LSAMP: variants seen among roughly 807,000 people sequenced by gnomAD.
The protein encoded by LSAMP is limbic system associated membrane protein, also known as limbic system-associated membrane protein.
In LSAMP, 7 loss-of-function variants were observed where a neutral mutation model predicts 38.6. The observed-to-expected ratio is 0.18, with a 90% CI of 0.10 to 0.34. LSAMP has a LOEUF of 0.34. Among genes scored for constraint, LSAMP ranks in the 10% least tolerant of loss-of-function variants. The pLI is 1.00. For synonymous variants in LSAMP, 154 were observed against 166.8 expected, an observed-to-expected ratio of 0.92 and a Z score of 0.59; for missense variants, 313 against 420.0, an observed-to-expected ratio of 0.75 and a Z score of 2.23.
In LSAMP at chr3:116,073,589, T is replaced by C. The variant is rs141139820; in HGVS notation, c.388+12735A>G. Among the ~76,000 whole-genome samples the C allele has an allele frequency of 1.0e-3, 156 of 152,326 alleles. 1 individual carries two copies. The highest frequency in any genetic ancestry group is 3.5e-3 in the African/African-American group (144 of 41,570). ...TTGTTTGTGTCCTCTCTGATTTCCT[T>C]GAGCAGTGTTTTGTAGTTCTCCTTG... On this transcript the variant is annotated intron_variant, in intron 2 of 6. Coordinates refer to ENST00000490035, the MANE Select transcript of LSAMP (RefSeq NM_002338.5).
chr3:116,081,337 C>A (rs1707867394), intron 2 of LSAMP, among the ~76,000 whole-genome samples: 1 of 151,982 alleles, frequency 6.6e-6, no homozygotes, highest in Non-Finnish European at 1.5e-5. Context: ...GCCTGTAGTC[C>A]CAGCTACTTG....
At chr3:116,081,124 A>G (rs1381376068) in intron 2 of LSAMP, among the ~76,000 whole-genome samples, 4 of 152,174 alleles carry the variant, frequency 2.6e-5, no homozygotes. Flanking sequence ...ACTTGCTTCT[A>G]AAAATTTAAA....
chr3:116,160,273 C>G (rs555078991), intron 1 of LSAMP, among the ~76,000 whole-genome samples: 2 of 152,168 alleles, frequency 1.3e-5, no homozygotes, highest in East Asian at 3.9e-4. Flanking sequence ...ATGGTGCACA[C>G]TTGTAATCCC....
Position 116,075,788 on chromosome 3 carries a change from ACCT to A in LSAMP, c.388+10533_388+10535del, listed in dbSNP as rs1247494248. On this transcript the variant is annotated intron_variant, in intron 2 of 6. Transcript: ENST00000490035. ...ACTCCTGACCTCAGGTGATCCGCTC[ACCT>A]CAGCCTCCCAAAGTGTTGGGATTAC... 5.3e-5 allele frequency among the ~76,000 whole-genome samples: 8 copies of A among 151,184 alleles called. No homozygotes were observed. The East Asian group carries it at 1.6e-3, about 30-fold the overall frequency.
chr3:116,400,725 G>T (rs1303976536), intron 1 of LSAMP, among the ~76,000 whole-genome samples: 1 of 151,976 alleles, frequency 6.6e-6, no homozygotes, highest in Non-Finnish European at 1.5e-5. Flanking sequence ...TGATCCACCC[G>T]CCTCGGCCTC....
intron 1 of LSAMP, among the ~76,000 whole-genome samples, chr3:116,355,787 A>T (rs1232190530): frequency 6.6e-6 from 1 of 152,246 alleles, no homozygotes; most frequent in Non-Finnish European, 1.5e-5. Context: ...ACATTTCCCA[A>T]AGAAAACATA....
chr3:115,981,536 T>C (rs1160845722), intron 3 of LSAMP, among the ~76,000 whole-genome samples: 3 of 152,184 alleles, frequency 2.0e-5, no homozygotes, highest in African/African-American at 7.2e-5. Context: ...TCATATTACA[T>C]ACCTGAATGC....
At chr3:116,194,834 C>T (rs2107585643) in intron 1 of LSAMP, among the ~76,000 whole-genome samples, 1 of 152,260 alleles carries the variant, frequency 6.6e-6, no homozygotes, top group Non-Finnish European at 1.5e-5. Context: ...AATCATAGGT[C>T]TTGACATTAA....
intron 1 of LSAMP, among the ~76,000 whole-genome samples, chr3:116,113,408 A>T (rs1166811220): frequency 5.0e-4 from 33 of 66,088 alleles, no homozygotes; most frequent in African/African-American, 1.7e-3. Context: ...CCCTATATAT[A>T]TATATATATA....
At chr3:116,385,148 C>T (rs746893993) in intron 1 of LSAMP, among the ~76,000 whole-genome samples, 25 of 150,536 alleles carry the variant, frequency 1.7e-4, no homozygotes, top group Non-Finnish European at 3.0e-4. Flanking sequence ...GAAAAGGAAA[C>T]GCTATGTTTA....
At chr3:115,888,726 A>G (rs951915237) in intron 3 of LSAMP, among the ~76,000 whole-genome samples, 3 of 151,872 alleles carry the variant, frequency 2.0e-5, no homozygotes, top group Non-Finnish European at 4.4e-5. Flanking sequence ...CCTATATTGA[A>G]CAAATTTCTA....
At chr3:115,869,480 C>G (rs1451717680) in intron 3 of LSAMP, among the ~76,000 whole-genome samples, 2 of 152,050 alleles carry the variant, frequency 1.3e-5, no homozygotes, top group Non-Finnish European at 2.9e-5. Context: ...TTAGACAATA[C>G]TAAAAAGCAA....
At chr3:116,125,893 A>T (rs888648042) in intron 1 of LSAMP, among the ~76,000 whole-genome samples, 4 of 152,234 alleles carry the variant, frequency 2.6e-5, no homozygotes, top group African/African-American at 9.6e-5. Flanking sequence ...GCCTGGGCTC[A>T]TTGCTCTTTC....
chr3:116,400,874 C>T (rs2048831783), intron 1 of LSAMP, among the ~76,000 whole-genome samples: 4 of 152,096 alleles, frequency 2.6e-5, no homozygotes, highest in Admixed American at 2.6e-4. Context: ...GGTTGTACTG[C>T]TATTTATCTC....
intron 1 of LSAMP, among the ~76,000 whole-genome samples, chr3:116,204,317 G>A (rs1418574906): frequency 6.6e-6 from 1 of 151,712 alleles, no homozygotes; most frequent in African/African-American, 2.4e-5. Context: ...TGTCAGATGA[G>A]TAGGTTGCGA....
intron 3 of LSAMP, among the ~76,000 whole-genome samples, chr3:115,985,680 T>A (rs970019299): frequency 5.9e-5 from 9 of 152,198 alleles, no homozygotes; most frequent in Admixed American, 5.9e-4. Flanking sequence ...GGATAACAGA[T>A]GCCCAAGGAA....
intron 3 of LSAMP, among the ~76,000 whole-genome samples, chr3:115,905,825 C>T (rs986650084): frequency 6.6e-6 from 1 of 152,108 alleles, no homozygotes; most frequent in African/African-American, 2.4e-5. Context: ...GAGCATCTCT[C>T]ATTCTAGGGC....
intron 1 of LSAMP, among the ~76,000 whole-genome samples, chr3:116,186,856 C>T (rs1336273738): frequency 2.0e-5 from 3 of 152,032 alleles, no homozygotes; most frequent in African/African-American, 7.2e-5. Context: ...ATACTTGAAT[C>T]AGTATATTCA....
At chr3:116,019,157 T>G (rs866053316) in intron 3 of LSAMP, among the ~76,000 whole-genome samples, 103 of 97,676 alleles carry the variant, frequency 1.1e-3, no homozygotes, top group South Asian at 2.3e-3. Context: ...GCATTGTGGG[T>G]GGGGGGGGGG....
Sources: gnomAD v4.1 joint callset for allele counts (sites outside exome capture counted in the v4.1 genomes callset) on GRCh38, gnomAD v4.1.1 for gene constraint, MANE v1.5 for transcripts, NCBI Gene and HGNC (gene_info 2026-07-23, HGNC 2026-07-21) for gene names.